The following ARK2N variants were observed in gnomAD, a reference collection of about 807,000 sequenced individuals.
ARK2N encodes the protein arkadia (RNF111) N-terminal like PKA signaling regulator 2N.
the ARK2N span, among the ~76,000 whole-genome samples, chr18:46,206,112 T>TC: frequency 6.6e-6 from 1 of 150,880 alleles, no homozygotes; most frequent in East Asian, 2.0e-4. Flanking sequence ...TCTTTTTTTT[T>TC]CTTTGCTCTG....
the ARK2N span, chr18:46,217,257 T>G: frequency 6.6e-6 from 1 of 152,446 alleles, no homozygotes; most frequent in South Asian, 2.1e-4. Context: ...GTCTGTAACT[T>G]ATTACATATT....
the ARK2N span, among the ~76,000 whole-genome samples, chr18:46,179,143 C>T: frequency 3.1e-4 from 47 of 151,974 alleles, no homozygotes; most frequent in African/African-American, 9.9e-4. Context: ...GAAGTTTCAC[C>T]CTGTTGGCCA....
chr18:46,209,533 A>G, the ARK2N span, among the ~76,000 whole-genome samples: 2 of 152,184 alleles, frequency 1.3e-5, no homozygotes, highest in Non-Finnish European at 2.9e-5. Context: ...TTAGTTTCTT[A>G]AAGAGTACAA....
chr18:46,254,249 A>G, the ARK2N span, among the ~76,000 whole-genome samples: 1 of 152,210 alleles, frequency 6.6e-6, no homozygotes, highest in East Asian at 1.9e-4. Context: ...CTGGTTTCCT[A>G]GAGCAACTCT....
At chr18:46,178,710 C>G in the ARK2N span, among the ~76,000 whole-genome samples, 1 of 152,026 alleles carries the variant, frequency 6.6e-6, no homozygotes, top group African/African-American at 2.4e-5. Flanking sequence ...TGCTTGAGCC[C>G]AGGAGACCAG....
At chr18:46,187,727 T>G in the ARK2N span, among the ~76,000 whole-genome samples, 12 of 152,300 alleles carry the variant, frequency 7.9e-5, no homozygotes, top group African/African-American at 2.9e-4. Flanking sequence ...TTTATTTAGT[T>G]TCATTCATAT....
chr18:46,259,862 G>A, the ARK2N span, among the ~76,000 whole-genome samples: 1 of 122,816 alleles, frequency 8.1e-6, no homozygotes, highest in African/African-American at 3.0e-5. Flanking sequence ...TGTCGAACTT[G>A]TGAGCTCAAG....
chr18:46,214,581 T>A, the ARK2N span, among the ~76,000 whole-genome samples: 5 of 152,236 alleles, frequency 3.3e-5, no homozygotes, highest in Non-Finnish European at 7.3e-5. Context: ...CAATGTTAAG[T>A]AAGGACTTAA....
the ARK2N span, chr18:46,253,635 T>G: frequency 2.4e-4 from 368 of 1,549,180 alleles, no homozygotes; most frequent in Non-Finnish European, 3.1e-4. Flanking sequence ...AATGAGTTGT[T>G]TCCACTGTTT....
the ARK2N span, among the ~76,000 whole-genome samples, chr18:46,221,998 A>G: frequency 2.6e-5 from 4 of 152,224 alleles, no homozygotes; most frequent in Non-Finnish European, 4.4e-5. Flanking sequence ...GTCTATTTTC[A>G]GATTGGTAAA....
the ARK2N span, among the ~76,000 whole-genome samples, chr18:46,206,041 T>G: frequency 6.6e-6 from 1 of 151,466 alleles, no homozygotes; most frequent in African/African-American, 2.4e-5. Flanking sequence ...AGACCTGTGT[T>G]ATGAGGATTA....
the ARK2N span, among the ~76,000 whole-genome samples, chr18:46,180,829 A>G: frequency 6.6e-6 from 1 of 152,274 alleles, no homozygotes; most frequent in Non-Finnish European, 1.5e-5. Flanking sequence ...AAAGTAGATT[A>G]TAAGGGAAAA....
chr18:46,187,381 A>G, the ARK2N span, among the ~76,000 whole-genome samples: 1 of 146,990 alleles, frequency 6.8e-6, no homozygotes, highest in East Asian at 2.1e-4. Flanking sequence ...TTGCTCTGTC[A>G]CCCGGGCTGG....
chr18:46,211,266 T>C, the ARK2N span, among the ~76,000 whole-genome samples: 1 of 152,300 alleles, frequency 6.6e-6, no homozygotes, highest in Admixed American at 6.5e-5. Flanking sequence ...TGGAACGTAC[T>C]GTTGCAAACA....
the ARK2N span, among the ~76,000 whole-genome samples, chr18:46,209,983 A>G: frequency 1.3e-5 from 2 of 152,232 alleles, no homozygotes; most frequent in African/African-American, 4.8e-5. Flanking sequence ...CCCTTTTAAA[A>G]GGAGAGAAAA....
chr18:46,241,233 AT>A, the ARK2N span, among the ~76,000 whole-genome samples: 1 of 152,070 alleles, frequency 6.6e-6, no homozygotes, highest in Non-Finnish European at 1.5e-5. Context: ...GACCTGATTG[AT>A]TTACTGTAGC....
the ARK2N span, among the ~76,000 whole-genome samples, chr18:46,230,333 A>G: frequency 4.6e-5 from 7 of 152,220 alleles, no homozygotes; most frequent in African/African-American, 1.7e-4. Flanking sequence ...AGTACTAATA[A>G]TAGTAATAAG....
chr18:46,202,801 T>G, the ARK2N span, among the ~76,000 whole-genome samples: 34 of 100,228 alleles, frequency 3.4e-4, no homozygotes. Context: ...AAAATAAAAA[T>G]TAAAAAAAAA....
chr18:46,219,912 A>G, the ARK2N span, among the ~76,000 whole-genome samples: 2 of 152,110 alleles, frequency 1.3e-5, no homozygotes, highest in African/African-American at 4.8e-5. Flanking sequence ...CTGTAGTTGG[A>G]GGGATTTTGA....
Sources: gnomAD v4.1 joint callset for allele counts (sites outside exome capture counted in the v4.1 genomes callset) on GRCh38, gnomAD v4.1.1 for gene constraint, MANE v1.5 for transcripts, NCBI Gene and HGNC (gene_info 2026-07-23, HGNC 2026-07-21) for gene names.